NSUN3: variants seen among roughly 807,000 people sequenced by gnomAD.
NSUN3 encodes the protein tRNA (cytosine(34)-C(5))-methyltransferase, mitochondrial.
A neutral mutation model predicts 36.8 loss-of-function variants in NSUN3; 24 were observed. The ratio of observed to expected loss-of-function variants is 0.65; its 90% confidence interval spans 0.47 to 0.92. The LOEUF (loss-of-function observed/expected upper bound fraction) is 0.92. Among genes scored for constraint, NSUN3 ranks in the 40% least tolerant of loss-of-function variants. NSUN3 has a pLI of 0.00. For synonymous variants in NSUN3, 146 were observed against 145.2 expected, an observed-to-expected ratio of 1.01 and a Z score of -0.04; for missense variants, 381 against 392.8, an observed-to-expected ratio of 0.97 and a Z score of 0.25.
At chr3:94,077,141 C>G (rs2107241337) in intron 2 of NSUN3, 2 of 740,674 alleles carry the variant, frequency 2.7e-6, no homozygotes, top group Non-Finnish European at 2.5e-6. Flanking sequence ...CATTCTTCCA[C>G]TGCGTCATCA....
At chr3:94,125,722 A>T (rs187810796) in intron 5 of NSUN3, among the ~76,000 whole-genome samples, 31 of 152,312 alleles carry the variant, frequency 2.0e-4, no homozygotes, top group Non-Finnish European at 2.9e-5. Context: ...GATTGGTCTG[A>T]TTATCATTTT....
At chr3:94,086,396 G>A (rs964211376) in intron 3 of NSUN3, among the ~76,000 whole-genome samples, 18 of 152,340 alleles carry the variant, frequency 1.2e-4, no homozygotes, top group South Asian at 1.0e-3. Flanking sequence ...GAAAGGAGAT[G>A]CCCCACTGGA....
At chr3:94,082,042 C>T (rs1258306120) in intron 2 of NSUN3, 1 of 152,144 alleles carries the variant, frequency 6.6e-6, no homozygotes, top group African/African-American at 2.4e-5. Context: ...TGTTCTACTC[C>T]TTTTTAGCTG....
chr3:94,103,701 C>T (rs907986474), intron 5 of NSUN3, among the ~76,000 whole-genome samples: 4 of 152,074 alleles, frequency 2.6e-5, no homozygotes, highest in African/African-American at 4.8e-5. Context: ...TGAAAACATG[C>T]CATTCCTTCA....
At chr3:94,096,277 T>C (rs2077339049) in intron 5 of NSUN3, among the ~76,000 whole-genome samples, 1 of 152,170 alleles carries the variant, frequency 6.6e-6, no homozygotes, top group Admixed American at 6.5e-5. Context: ...TGATTCTTGG[T>C]AGTACTTATC....
chr3:94,126,221 A>G lies in NSUN3; in HGVS notation c.754A>G (p.Lys252Glu). 4 of 1,611,192 alleles carry G rather than the reference A, an allele frequency of 2.5e-6. No individual in the cohort carries two copies. Among genetic ancestry groups the G allele is most frequent in the Non-Finnish European group, 3.4e-6 (4 of 1,177,916 alleles). ...TCTGATTGCACACAGGTCTGCAATT[A>G]AGGCCTTACGTCCTGGAGGGATACT... ...LQIELLRSAI[K>E]ALRPGGILVY... Residue 252 changes from lysine to glutamate, a missense_variant, in exon 6 of 6, where the codon AAG becomes GAG. Coordinates refer to ENST00000314622, the MANE Select transcript of NSUN3 (RefSeq NM_022072.5).
chr3:94,101,282 G>A (rs1576094214), intron 5 of NSUN3, among the ~76,000 whole-genome samples: 2 of 152,156 alleles, frequency 1.3e-5, no homozygotes, highest in East Asian at 3.9e-4. Flanking sequence ...ACGAGCCACT[G>A]TGCCCAGCAC....
intron 2 of NSUN3, among the ~76,000 whole-genome samples, chr3:94,074,081 G>A (rs182300143): frequency 2.6e-5 from 4 of 152,038 alleles, no homozygotes; most frequent in East Asian, 3.9e-4. Flanking sequence ...TCTTGTTTTT[G>A]TCAGGTTTGC....
intron 5 of NSUN3, among the ~76,000 whole-genome samples, chr3:94,117,396 G>A (rs919376490): frequency 6.6e-6 from 1 of 152,126 alleles, no homozygotes; most frequent in African/African-American, 2.4e-5. Flanking sequence ...GTTGTATTCT[G>A]TGAACTGTCA....
At chr3:94,107,297 TTTG>T (rs1282357654) in intron 5 of NSUN3, among the ~76,000 whole-genome samples, 4 of 152,084 alleles carry the variant, frequency 2.6e-5, no homozygotes, top group East Asian at 1.9e-4. Flanking sequence ...TTGTTTTGTT[TTTG>T]TTGTTGTTGT....
At chr3:94,122,707 G>C (rs902016330) in intron 5 of NSUN3, among the ~76,000 whole-genome samples, 1 of 151,938 alleles carries the variant, frequency 6.6e-6, no homozygotes, top group African/African-American at 2.4e-5. Flanking sequence ...AGAGGCAAAT[G>C]TCTTTTGCCT....
Position 94,129,847 on chromosome 3 carries a change from G to T in NSUN3, c.*3357G>T, listed in dbSNP as rs757126482. 1.4e-5 allele frequency among the ~76,000 whole-genome samples: 2 copies of T among 144,222 alleles called. No homozygotes were observed. Among genetic ancestry groups the T allele is most frequent in the South Asian group, 2.3e-4 (1 of 4,292 alleles). The allele number at this position is 144,222 out of a possible 152,430, so 94.6% of individuals were successfully genotyped here. ...CAGCTCACTGCAACCTCTGCCTCCC[G>T]GGTTCAAGCAGTTTTCTGCCTCAGC... is the stretch of plus-strand genomic sequence containing the variant. On this transcript the variant is annotated 3_prime_UTR_variant, in exon 6 of 6. Transcript: ENST00000314622.
intron 5 of NSUN3, among the ~76,000 whole-genome samples, chr3:94,099,334 C>A (rs1260638471): frequency 1.3e-5 from 2 of 152,148 alleles, no homozygotes; most frequent in African/African-American, 4.8e-5. Context: ...TAGGCACCTT[C>A]TTATGTCCCA....
At chr3:94,092,972 A>G (rs961512624) in intron 3 of NSUN3, among the ~76,000 whole-genome samples, 4 of 149,272 alleles carry the variant, frequency 2.7e-5, no homozygotes, top group African/African-American at 9.8e-5. Context: ...CCCTCGTAGT[A>G]GAGAAGGTAA....
intron 5 of NSUN3, among the ~76,000 whole-genome samples, chr3:94,117,961 A>G (rs1259589427): frequency 6.6e-6 from 1 of 152,190 alleles, no homozygotes; most frequent in Admixed American, 6.5e-5. Flanking sequence ...ACTTCCTCCA[A>G]TGAAGAGAAG....
intron 5 of NSUN3, among the ~76,000 whole-genome samples, chr3:94,107,294 G>A (rs2077393769): frequency 6.6e-6 from 1 of 151,964 alleles, no homozygotes; most frequent in Non-Finnish European, 1.5e-5. Flanking sequence ...TTGTTGTTTT[G>A]TTTTTGTTGT....
rs779879927 is a variant in NSUN3 at position 94,097,074 on chromosome 3, C to T, written c.743+1920C>T. 5.3e-5 allele frequency among the ~76,000 whole-genome samples: 8 copies of T among 151,966 alleles called. No homozygotes were observed. The South Asian group carries it at 8.3e-4, about 16-fold the overall frequency. The stretch of plus-strand genomic sequence containing the variant: ...TTTGTCTCAATTAATTATATTTTAT[C>T]GTCTGTTTCCTTTATTCTTCCAAAC... On this transcript the variant is annotated intron_variant, in intron 5 of 5. Coordinates refer to ENST00000314622, the MANE Select transcript of NSUN3 (RefSeq NM_022072.5).
At chr3:94,107,123 G>C (rs187144193) in intron 5 of NSUN3, among the ~76,000 whole-genome samples, 2 of 152,232 alleles carry the variant, frequency 1.3e-5, no homozygotes, top group Non-Finnish European at 2.9e-5. Context: ...TAGAAATGAG[G>C]TTTTGCCATG....
chr3:94,105,224 C>T (rs562980279), intron 5 of NSUN3, among the ~76,000 whole-genome samples: 59 of 152,230 alleles, frequency 3.9e-4, no homozygotes, highest in African/African-American at 1.3e-3. Context: ...TTGCCTCCCC[C>T]GAATCTTCTT....
Sources: allele counts gnomAD v4.1 joint callset (sites outside exome capture counted in the v4.1 genomes callset), GRCh38; gene constraint gnomAD v4.1.1; transcripts MANE v1.5; gene names NCBI Gene and HGNC (gene_info 2026-07-23, HGNC 2026-07-21).